DIDO1: variants seen among roughly 807,000 people sequenced by gnomAD.
DIDO1 encodes the protein death inducer-obliterator 1, also known as death-inducer obliterator 1.
In DIDO1, 16 loss-of-function variants were observed where a neutral mutation model predicts 99.4. The ratio of observed to expected loss-of-function variants is 0.16; its 90% CI spans 0.11 to 0.24. DIDO1 has a LOEUF of 0.24. Among genes scored for constraint, DIDO1 ranks in the 10% least tolerant of loss-of-function variants. The pLI, the probability that DIDO1 is intolerant of heterozygous loss-of-function variation, is 1.00. For missense variants in DIDO1, 2,996 were observed against 3,014.0 expected (o/e 0.99, Z 0.14); for synonymous variants, 1,366 against 1,239.1 (o/e 1.10, Z -2.15).
intron 15 of DIDO1, among the ~76,000 whole-genome samples, chr20:62,885,941 G>A (rs1025975806): frequency 2.6e-5 from 4 of 152,214 alleles, no homozygotes; most frequent in Non-Finnish European, 4.4e-5. Context: ...CCACCTCAGG[G>A]GGGCAGTCGA....
intron 5 of DIDO1, 69 bp from the exon 6 acceptor site, chr20:62,906,169 G>A (rs1316939231): frequency 1.3e-6 from 2 of 1,545,230 alleles, no homozygotes; most frequent in Non-Finnish European, 1.7e-6. Flanking sequence ...ATTTCACTGA[G>A]AGATGAAGGC....
At chr20:62,922,109 T>G (rs62200157) in intron 1 of DIDO1, among the ~76,000 whole-genome samples, 1 of 110,586 alleles carries the variant, frequency 9.0e-6, no homozygotes, top group African/African-American at 3.2e-5. Context: ...ACTATATATA[T>G]ACACACACAC....
At chr20:62,931,474 A>C (rs942694321), upstream of DIDO1, among the ~76,000 whole-genome samples, 1 of 152,254 alleles carries the variant, frequency 6.6e-6, no homozygotes, top group Non-Finnish European at 1.5e-5. Context: ...AAAGGAACAC[A>C]GCAAACAAGC....
rs1414762023 is a variant in DIDO1, at chr20:62,880,433, T to C, written c.5523A>G (p.Gln1841=). 4.3e-6 allele frequency: 7 copies of C among 1,612,708 alleles called. No individual in the cohort carries two copies. Among genetic ancestry groups the C allele is most frequent in the East Asian group, 2.2e-5 (1 of 44,868 alleles). ...CATGGGGATCCTTGCGTTCTTCAAA[T>C]TGGGATGGTGCCACTCCTCGTGGTC... ...LGGPRGVAPS[Q]FEERKDPHGE... Residue 1841 remains glutamine, a synonymous_variant, in exon 16 of 16, where the codon CAA becomes CAG. Coordinates refer to ENST00000395343, the MANE Select transcript of DIDO1 (RefSeq NM_001193369.2).
Position 62,889,774 on chromosome 20 carries a change from C to T in DIDO1, c.3541+1186G>A, listed in dbSNP as rs886894807. On this transcript the variant is annotated intron_variant, in intron 15 of 15. Coordinates refer to ENST00000395343, the MANE Select transcript of DIDO1 (RefSeq NM_001193369.2). ...TTATCCCAAGTAGGATTTGAGGGGACACACTAAAGCACTTTGCTTTTAAAA... is the reference window on the plus strand; with the variant it reads ...TTATCCCAAGTAGGATTTGAGGGGATACACTAAAGCACTTTGCTTTTAAAA... 6 of 985,306 alleles carry T rather than the reference C, an allele frequency of 6.1e-6. No individual in the cohort carries two copies. In the African/African-American group the frequency reaches 1.0e-4, roughly 17 times the overall value. The allele number at this position is 985,306 out of a possible 1,614,324, so 61.0% of individuals were successfully genotyped here.
chr20:62,916,546 A>C (rs1302805873), intron 1 of DIDO1, among the ~76,000 whole-genome samples: 1 of 152,234 alleles, frequency 6.6e-6, no homozygotes, highest in East Asian at 1.9e-4. Context: ...AAACCTATTA[A>C]TACATTAATA....
At chr20:62,885,090 T>C (rs1050923491) in intron 15 of DIDO1, among the ~76,000 whole-genome samples, 7 of 152,246 alleles carry the variant, frequency 4.6e-5, no homozygotes, top group African/African-American at 1.2e-4. Context: ...TTGGCTATTA[T>C]GGCCTTCCTG....
upstream of DIDO1, among the ~76,000 whole-genome samples, chr20:62,930,134 G>C (rs147882894): frequency 0.015 from 2,217 of 152,132 alleles, 58 homozygotes; most frequent in African/African-American, 0.049. Flanking sequence ...CAGCTACTCG[G>C]GAGGCTAAGG....
chr20:62,889,603 G>A, intron 15 of DIDO1: 4 of 985,430 alleles, frequency 4.1e-6, no homozygotes, highest in Middle Eastern at 5.2e-4. Flanking sequence ...CTTCACAGGT[G>A]CGGAGAGGCC....
intron 15 of DIDO1, chr20:62,889,631 C>A (rs1474630087): frequency 1.0e-6 from 1 of 985,332 alleles, no homozygotes; most frequent in Non-Finnish European, 1.2e-6. Flanking sequence ...CGGTCTTCAC[C>A]TCCAGGAGGG....
At position 62,894,168 on chromosome 20, in the gene DIDO1, G is replaced by T. The variant is rs1164513123; in HGVS notation, c.2599C>A (p.Pro867Thr). Residue 867 changes from proline to threonine, a missense_variant, in exon 12 of 16, where the codon CCA becomes ACA. Coordinates refer to ENST00000395343, the MANE Select transcript of DIDO1 (RefSeq NM_001193369.2). The surrounding 1 kb of genome is among the most constrained non-coding windows in gnomAD (Gnocchi z 4.4). ...TGQVPSAEDE[P>T]APKKQKLSAS... ...GACAATTTTTGTTTTTTCGGAGCTG[G>T]CTCATCTTCTGCGGAGGGAACCTGG... 2 of 1,613,744 alleles carry T rather than the reference G, an allele frequency of 1.2e-6. No homozygotes were observed. The highest frequency in any genetic ancestry group is 1.7e-6 in the Non-Finnish European group (2 of 1,179,752).
At chr20:62,885,280 C>T (rs538331773) in intron 15 of DIDO1, among the ~76,000 whole-genome samples, 3 of 152,192 alleles carry the variant, frequency 2.0e-5, no homozygotes, top group South Asian at 2.1e-4. Context: ...TGTGGGGCCT[C>T]GTGTGGGGAA....
In DIDO1 at chr20:62,909,944, G is replaced by C. The variant is rs766010747; in HGVS notation, c.916C>G (p.Leu306Val). Residue 306 changes from leucine (L) to valine (V), a missense_variant, in exon 4 of 16, where the codon CTT becomes GTT. By Grantham distance (32) the Leu-to-Val change is conservative. Around this residue, in one of 5 missense-constraint regions of DIDO1, gnomAD observed 898 missense variants for 972.7 expected, o/e 0.92. Transcript: ENST00000395343. ...CVGISEARGR[L>V]LERNGEDYIC... ...TAGTCTTCCCCATTCCTTTCCAAAA[G>C]CCTCCCTCGAGCCTCAGAAATGCCC... 1 of 1,613,814 alleles carries C rather than the reference G, an allele frequency of 6.2e-7. No individual in the cohort carries two copies. The highest frequency in any genetic ancestry group is 1.1e-5 in the South Asian group (1 of 91,084).
intron 15 of DIDO1, chr20:62,889,626 T>G: frequency 1.0e-6 from 1 of 985,400 alleles, no homozygotes; most frequent in Non-Finnish European, 1.2e-6. Flanking sequence ...CTTCTCGGTC[T>G]TCACCTCCAG....
chr20:62,920,435 G>A (rs2065116050), intron 1 of DIDO1, among the ~76,000 whole-genome samples: 1 of 152,188 alleles, frequency 6.6e-6, no homozygotes, highest in Admixed American at 6.5e-5. Flanking sequence ...GCACTTTGAG[G>A]GAGAGGTGTG....
At chr20:62,917,573 G>A (rs1193096588) in intron 1 of DIDO1, among the ~76,000 whole-genome samples, 2 of 152,150 alleles carry the variant, frequency 1.3e-5, no homozygotes, top group Non-Finnish European at 2.9e-5. Context: ...CAGCGTTTCC[G>A]AGACCACTCG....
At chr20:62,888,407 G>C in intron 15 of DIDO1, 1 of 985,504 alleles carries the variant, frequency 1.0e-6, no homozygotes, top group South Asian at 4.7e-5. Flanking sequence ...GTCTCCTTCA[G>C]GCCTGTGCTG....
At chr20:62,915,969 G>A (rs1309132728) in intron 1 of DIDO1, among the ~76,000 whole-genome samples, 3 of 151,982 alleles carry the variant, frequency 2.0e-5, no homozygotes, top group East Asian at 1.9e-4. Flanking sequence ...ATATACCTTC[G>A]GAAAAGATCA....
chr20:62,929,405 G>T (rs7270604), upstream of DIDO1: 10,201 of 152,370 alleles, frequency 0.067, 429 homozygotes, highest in Middle Eastern at 0.13. Flanking sequence ...CCGCTCCGGG[G>T]GACACCCACA....
Sources: allele counts gnomAD v4.1 joint callset (sites outside exome capture counted in the v4.1 genomes callset), GRCh38; gene constraint gnomAD v4.1.1; regional missense constraint gnomAD v4.1.1; non-coding constraint Gnocchi (gnomAD v3.1); transcripts MANE v1.5; gene names NCBI Gene and HGNC (gene_info 2026-07-23, HGNC 2026-07-21).